Variants in SEPSECS observed in about 807,000 individuals in gnomAD.
The protein encoded by SEPSECS is O-phosphoseryl-tRNA(Sec) selenium transferase.
SEPSECS carries 42 observed loss-of-function variants against 52.1 expected under a neutral mutation model. The ratio of observed to expected loss-of-function variants is 0.81; its 90% CI spans 0.63 to 1.04. The LOEUF (loss-of-function observed/expected upper bound fraction) is 1.04. Ranked by LOEUF, SEPSECS falls within the 50% of genes least tolerant of loss-of-function variation. The probability of loss-of-function intolerance (pLI) is 0.00; values close to 1 mark genes in which losing one functional copy is unlikely to be tolerated. For synonymous variants in SEPSECS, 216 were observed against 211.4 expected (o/e 1.02, Z -0.19); for missense variants, 590 against 610.6 (o/e 0.97, Z 0.36).
rs2109035736 is a variant in SEPSECS, at chr4:25,156,926, T to C, written c.318A>G (p.Pro106=). The C allele has an allele frequency of 1.9e-6, 3 of 1,613,678 alleles. No individual in the cohort carries two copies. Among genetic ancestry groups the C allele is most frequent in the South Asian group, 1.1e-5 (1 of 91,074 alleles). The change falls in exon 3 of 11, where the codon CCA becomes CCG. Residue 106 remains proline, a synonymous_variant. Coordinates refer to ENST00000382103, the MANE Select transcript of SEPSECS (RefSeq NM_016955.4). ...GRSGDISAVQ[P]KAAGSSLLNK... is the part of the protein sequence containing the mutation. The stretch of plus-strand genomic sequence containing the variant: ...TCAAAAGGCTAGAGCCTGCAGCTTT[T>C]GGTTGCACAGCAGAAATATCACCGG...
intron 8 of SEPSECS, among the ~76,000 whole-genome samples, chr4:25,131,353 C>T (rs1194968639): frequency 6.6e-6 from 1 of 152,104 alleles, no homozygotes; most frequent in African/African-American, 2.4e-5. Flanking sequence ...TTTCAGAAGG[C>T]AGGTAATAAA....
chr4:25,159,354 A>C (rs1712900709), intron 1 of SEPSECS, among the ~76,000 whole-genome samples: 1 of 152,210 alleles, frequency 6.6e-6, no homozygotes, highest in East Asian at 1.9e-4. Context: ...GAGATATTTA[A>C]ATTTCCGTAA....
chr4:25,140,046 C>T (rs1159687895), intron 8 of SEPSECS, among the ~76,000 whole-genome samples: 1 of 152,200 alleles, frequency 6.6e-6, no homozygotes. Context: ...AATACGGCAG[C>T]TGACAGTTGT....
intron 8 of SEPSECS, among the ~76,000 whole-genome samples, chr4:25,138,369 C>G (rs1313503455): frequency 1.3e-5 from 2 of 151,704 alleles, no homozygotes; most frequent in Non-Finnish European, 1.5e-5. Context: ...CCTGTAATCC[C>G]AACACTTTGG....
Position 25,123,923 on chromosome 4 carries a change from T to C in SEPSECS, c.*8A>G. On this transcript the variant is annotated 3_prime_UTR_variant, in exon 11 of 11. Coordinates refer to ENST00000382103, the MANE Select transcript of SEPSECS (RefSeq NM_016955.4). ...CTTTCAAATGATCAAGAAGAAACCC[T>C]TCGCATGTCATGAAGAAGCATCCTG... The C allele has an allele frequency of 6.2e-7, 1 of 1,610,900 alleles. No individual in the cohort carries two copies. The highest frequency in any genetic ancestry group is 2.2e-5 in the East Asian group (1 of 44,840).
intron 6 of SEPSECS, among the ~76,000 whole-genome samples, chr4:25,148,443 T>C (rs535457422): frequency 4.0e-4 from 61 of 151,722 alleles, no homozygotes; most frequent in African/African-American, 1.4e-3. Context: ...TAAGGACTAT[T>C]GAGATGAATT....
Position 25,155,034 on chromosome 4 carries a change from G to A in SEPSECS, c.665C>T (p.Ser222Phe), listed in dbSNP as rs778063745. 1.9e-6 allele frequency: 3 copies of A among 1,614,150 alleles called. No homozygotes were observed. Among genetic ancestry groups the A allele is most frequent in the East Asian group, 2.2e-5 (1 of 44,886 alleles). The part of the protein sequence containing the change: ...LGPDCILCIH[S>F]TTSCFAPRVP... The stretch of plus-strand genomic sequence containing the variant: ...CCTTGGAGCAAAACAGGATGTAGTA[G>A]AATGAATACACAGAATGCAATCAGG... The change falls in exon 5 of 11, where the codon TCT becomes TTT. Residue 222 changes from serine to phenylalanine, a missense_variant. By Grantham distance (155) the Ser-to-Phe change is radical. Transcript: ENST00000382103.
chr4:25,146,584 G>C (rs1711978334), intron 6 of SEPSECS, among the ~76,000 whole-genome samples: 1 of 152,142 alleles, frequency 6.6e-6, no homozygotes, highest in South Asian at 2.1e-4. Flanking sequence ...GAGAGAAACA[G>C]GAACCTAAAC....
chr4:25,152,664 C>A (rs879704744), intron 5 of SEPSECS, among the ~76,000 whole-genome samples: 3 of 151,932 alleles, frequency 2.0e-5, no homozygotes, highest in Non-Finnish European at 2.9e-5. Flanking sequence ...TCTACTCTTA[C>A]TTTTTCATTT....
At chr4:25,125,521 C>A in intron 10 of SEPSECS, 173 bp downstream of exon 10, 1 of 643,284 alleles carries the variant, frequency 1.6e-6, no homozygotes, top group Non-Finnish European at 2.8e-6. Context: ...AAGCAGTCCA[C>A]AGGTGGGCAT....
chr4:25,143,821 T>C (rs1209062642), intron 8 of SEPSECS, among the ~76,000 whole-genome samples: 1 of 152,142 alleles, frequency 6.6e-6, no homozygotes, highest in African/African-American at 2.4e-5. Flanking sequence ...GGGACTACAA[T>C]TGTTGTTAAG....
intron 1 of SEPSECS, 45 bp from the exon 2 acceptor site, chr4:25,159,152 C>T (rs1224607890): frequency 2.8e-6 from 4 of 1,441,968 alleles, no homozygotes; most frequent in South Asian, 2.6e-5. Flanking sequence ...ATAAAACTAC[C>T]GTTCTCTAGA....
At position 25,158,868 on chromosome 4, in the gene SEPSECS, A is replaced by C. The variant is rs73252530; in HGVS notation, c.269+85T>G. Reference sequence around the variant, plus strand: ...GTGGTTTACAAACTGACATTTGATAATCTAATAAGATAAATACTGCTGCCA... The same window carrying C: ...GTGGTTTACAAACTGACATTTGATACTCTAATAAGATAAATACTGCTGCCA... On this transcript the variant is annotated intron_variant, in intron 2 of 10. Transcript: ENST00000382103. 22,992 of 1,330,190 alleles carry C rather than the reference A, an allele frequency of 0.017. 315 individuals carry two copies. The highest frequency in any genetic ancestry group is 0.04 in the South Asian group (3,389 of 84,314). The allele number at this position is 1,330,190 out of a possible 1,614,324, so 82.4% of individuals were successfully genotyped here. A position where few individuals can be genotyped will look rare whatever the true frequency, so the allele number is the denominator to read the frequency against.
rs1285958291 is a variant in SEPSECS at position 25,122,034 on chromosome 4, T to C, written c.*1897A>G. The C allele has an allele frequency of 1.3e-5, 2 of 152,332 alleles. No individual in the cohort carries two copies. The highest frequency in any genetic ancestry group is 2.9e-5 in the Non-Finnish European group (2 of 67,998). 9.4% of individuals were successfully genotyped at this position (152,332 alleles called of 1,614,324 possible). Reference sequence around the variant, plus strand: ...AACATTTCAATCCCTTTTTTGACTCTAGAGGTTGCAACTCTTCAGCTTTAT... The same window carrying C: ...AACATTTCAATCCCTTTTTTGACTCCAGAGGTTGCAACTCTTCAGCTTTAT... On this transcript the variant is annotated 3_prime_UTR_variant, in exon 11 of 11. Transcript: ENST00000382103.
intron 4 of SEPSECS, among the ~76,000 whole-genome samples, chr4:25,155,485 T>A (rs1327698403): frequency 6.6e-6 from 1 of 152,220 alleles, no homozygotes; most frequent in Non-Finnish European, 1.5e-5. Flanking sequence ...ATCACTTTAA[T>A]CCAGTTCAGT....
chr4:25,160,452 CGCCTGGACGGTACG>C, upstream of SEPSECS: 2 of 1,138,596 alleles, frequency 1.8e-6, no homozygotes, highest in South Asian at 2.8e-5. Context: ...TGCAACTCGC[CGCCTGGACGGTACG>C]GCAGCGCCTT....
chr4:25,143,243 T>G (rs773043605), intron 8 of SEPSECS, among the ~76,000 whole-genome samples: 47 of 152,174 alleles, frequency 3.1e-4, no homozygotes, highest in Non-Finnish European at 5.6e-4. Context: ...GGATGTCTGT[T>G]TTTTAGGTGC....
chr4:25,150,824 G>A (rs571948746), intron 6 of SEPSECS, among the ~76,000 whole-genome samples: 4 of 152,200 alleles, frequency 2.6e-5, no homozygotes, highest in African/African-American at 9.6e-5. Flanking sequence ...TGGGCCGCAT[G>A]ACAAAACCCC....
chr4:25,123,080 CAT>C lies in SEPSECS; in HGVS notation c.*849_*850del, dbSNP rs1728195679. 1 of 152,100 alleles carries C rather than the reference CAT, an allele frequency of 6.6e-6. No homozygotes were observed. The highest frequency in any genetic ancestry group is 2.1e-4 in the South Asian group (1 of 4,822). 9.4% of individuals were successfully genotyped at this position (152,100 alleles called of 1,614,324 possible). On this transcript the variant is annotated 3_prime_UTR_variant, in exon 11 of 11. Transcript: ENST00000382103. ...CACCATATAAAACAATTTATAATGA[CAT>C]GTTTGGAATCCGTGACCCTGGTTAT...
Sources: allele counts gnomAD v4.1 joint callset (sites outside exome capture counted in the v4.1 genomes callset), GRCh38; gene constraint gnomAD v4.1.1; transcripts MANE v1.5; gene names NCBI Gene and HGNC (gene_info 2026-07-23, HGNC 2026-07-21).